The following TRPC4 variants were observed in gnomAD, a reference collection of about 807,000 sequenced individuals.
TRPC4 encodes the protein short transient receptor potential channel 4.
In TRPC4, 49 loss-of-function variants were observed where a neutral mutation model predicts 99.4. The ratio of observed to expected loss-of-function variants is 0.49; its 90% CI spans 0.39 to 0.63. The LOEUF (loss-of-function observed/expected upper bound fraction) is 0.63, where lower values mean the gene tolerates loss of function less well. Among genes scored for constraint, TRPC4 ranks in the 20% least tolerant of loss-of-function variants. TRPC4 has a pLI of 0.00. For synonymous variants in TRPC4, 454 were observed against 425.9 expected, an observed-to-expected ratio of 1.07 and a Z score of -0.81; for missense variants, 898 against 1,152.9, an observed-to-expected ratio of 0.78 and a Z score of 3.20.
At chr13:37,811,087 T>A (rs1957672930) in intron 1 of TRPC4, among the ~76,000 whole-genome samples, 1 of 152,148 alleles carries the variant, frequency 6.6e-6, no homozygotes, top group South Asian at 2.1e-4. Flanking sequence ...CTTACATTAC[T>A]GTGACAAAGT....
At chr13:37,776,297 A>G (rs1159719604) in intron 2 of TRPC4, among the ~76,000 whole-genome samples, 11 of 151,932 alleles carry the variant, frequency 7.2e-5, no homozygotes, top group Admixed American at 7.2e-4. Flanking sequence ...TTAACGGCAG[A>G]ATAAGAAAAT....
chr13:37,716,996 T>C (rs1383123489), intron 3 of TRPC4, among the ~76,000 whole-genome samples: 1 of 152,098 alleles, frequency 6.6e-6, no homozygotes. Context: ...ACGCACACTC[T>C]TTGATCTGGC....
At chr13:37,798,342 A>G (rs1957309119) in intron 1 of TRPC4, among the ~76,000 whole-genome samples, 1 of 152,170 alleles carries the variant, frequency 6.6e-6, no homozygotes, top group East Asian at 1.9e-4. Flanking sequence ...TTAAAAATTG[A>G]GGAATTAAAT....
chr13:37,730,270 A>G (rs1955201093), intron 3 of TRPC4, among the ~76,000 whole-genome samples: 1 of 152,016 alleles, frequency 6.6e-6, no homozygotes, highest in Non-Finnish European at 1.5e-5. Context: ...ATTATGCTTT[A>G]TTACTTACAT....
intron 8 of TRPC4, 82 bp downstream of exon 8, chr13:37,651,183 C>A (rs1952032630): frequency 6.6e-7 from 1 of 1,518,066 alleles, no homozygotes; most frequent in South Asian, 1.2e-5. Context: ...GGCTAAAGAC[C>A]TGAACATGTA....
At chr13:37,731,060 T>A (rs1169659750) in intron 3 of TRPC4, among the ~76,000 whole-genome samples, 1 of 151,918 alleles carries the variant, frequency 6.6e-6, no homozygotes, top group African/African-American at 2.4e-5. Context: ...AGAAAAAAAA[T>A]TCTATATATT....
chr13:37,651,568 T>A lies in TRPC4; in HGVS notation c.1885-109A>T. Reference sequence around the variant, plus strand: ...TTCAAGCGGCTCTTGGAACATTAATTAAATTGCTTCTAAAACCACCACTGA... The same window carrying A: ...TTCAAGCGGCTCTTGGAACATTAATAAAATTGCTTCTAAAACCACCACTGA... On this transcript the variant is annotated intron_variant, in intron 7 of 10. Coordinates refer to ENST00000379705, the MANE Select transcript of TRPC4 (RefSeq NM_016179.4). The A allele has an allele frequency of 6.1e-6, 6 of 980,600 alleles. No individual in the cohort carries two copies. The South Asian group carries it at 6.2e-5, about 10-fold the overall frequency. The allele number at this position is 980,600 out of a possible 1,614,324, so 60.7% of individuals were successfully genotyped here.
intron 1 of TRPC4, among the ~76,000 whole-genome samples, chr13:37,866,512 A>G (rs553703678): frequency 6.6e-6 from 1 of 151,832 alleles, no homozygotes; most frequent in Admixed American, 6.6e-5. Flanking sequence ...TACATTTTCA[A>G]TGCGCATGCC....
chr13:37,725,295 G>A (rs1252226065), intron 3 of TRPC4, among the ~76,000 whole-genome samples: 1 of 152,024 alleles, frequency 6.6e-6, no homozygotes, highest in African/African-American at 2.4e-5. Context: ...CAGAAGAAGA[G>A]AGAAAGAGGC....
chr13:37,653,719 A>G (rs1013653143), intron 7 of TRPC4, among the ~76,000 whole-genome samples: 5 of 152,194 alleles, frequency 3.3e-5, no homozygotes, highest in Non-Finnish European at 7.3e-5. Context: ...AGAAAATGTC[A>G]TAATATTCTT....
chr13:37,854,211 C>G (rs1959128235), intron 1 of TRPC4, among the ~76,000 whole-genome samples: 1 of 152,104 alleles, frequency 6.6e-6, no homozygotes, highest in Admixed American at 6.6e-5. Context: ...ACATGTGAGT[C>G]CCAGTATGTC....
At position 37,719,335 on chromosome 13, in the gene TRPC4, G is replaced by A. The variant is rs1474148250; in HGVS notation, c.897+26602C>T. On this transcript the variant is annotated intron_variant, in intron 3 of 10. Transcript: ENST00000379705. ...TGCACTCCAGCCTGGGTGACAGAGT[G>A]AGACCATGTCTTATAAAAAGAAAAA... is the stretch of plus-strand genomic sequence containing the variant. 2.0e-5 allele frequency among the ~76,000 whole-genome samples: 3 copies of A among 151,988 alleles called. No individual in the cohort carries two copies. In the East Asian group the frequency reaches 5.8e-4, roughly 29 times the overall value.
In TRPC4 at chr13:37,829,317, A is replaced by T. The variant is rs185467779; in HGVS notation, c.-28+40278T>A. 1.1e-3 allele frequency among the ~76,000 whole-genome samples: 168 copies of T among 152,340 alleles called. 1 individual carries two copies. Among genetic ancestry groups the T allele is most frequent in the African/African-American group, 3.9e-3 (163 of 41,582 alleles). ...AAATGTGCAAAGAATATAAACAGAC[A>T]TTTCTCTAAAGATTATAAATGGCTA... On this transcript the variant is annotated intron_variant, in intron 1 of 10. Transcript: ENST00000379705.
At chr13:37,862,188 G>A (rs993737158) in intron 1 of TRPC4, among the ~76,000 whole-genome samples, 2 of 151,364 alleles carry the variant, frequency 1.3e-5, no homozygotes, top group African/African-American at 4.8e-5. Flanking sequence ...TCTAGAGAAA[G>A]GGGTAGGGTG....
At chr13:37,835,687 A>G (rs935648078) in intron 1 of TRPC4, among the ~76,000 whole-genome samples, 4 of 152,214 alleles carry the variant, frequency 2.6e-5, no homozygotes, top group African/African-American at 9.7e-5. Context: ...AAAAAGAGGA[A>G]GATAACAAAT....
At chr13:37,701,093 G>C (rs750098594) in intron 3 of TRPC4, among the ~76,000 whole-genome samples, 3 of 152,026 alleles carry the variant, frequency 2.0e-5, no homozygotes, top group Non-Finnish European at 4.4e-5. Flanking sequence ...GCTCCAACTT[G>C]TATGGCAACA....
chr13:37,861,444 C>G (rs1278046838), intron 1 of TRPC4, among the ~76,000 whole-genome samples: 1 of 151,450 alleles, frequency 6.6e-6, no homozygotes, highest in Non-Finnish European at 1.5e-5. Flanking sequence ...TTAAGTATAC[C>G]AGCAAGTTCT....
rs1201385469 is a variant in TRPC4 at position 37,745,436 on chromosome 13, GTATATATATATATA to G, written c.897+487_897+500del. Among the ~76,000 whole-genome samples the G allele has an allele frequency of 1.1e-3, 23 of 20,706 alleles. No individual in the cohort carries two copies. In the East Asian group the frequency reaches 0.022, roughly 20 times the overall value. 13.6% of individuals were successfully genotyped at this position (20,706 alleles called of 152,430 possible). The stretch of plus-strand genomic sequence containing the variant: ...GCTGATTATTTATATATATATATGC[GTATATATATATATA>G]TATATATATATATATATATATATAC... On this transcript the variant is annotated intron_variant, in intron 3 of 10. Transcript: ENST00000379705.
chr13:37,863,939 T>C (rs1208328767), intron 1 of TRPC4, among the ~76,000 whole-genome samples: 8 of 151,736 alleles, frequency 5.3e-5, no homozygotes, highest in Admixed American at 6.6e-5. Context: ...AATTACAATG[T>C]GTTATGAACT....
Sources: allele counts gnomAD v4.1 joint callset (sites outside exome capture counted in the v4.1 genomes callset), GRCh38; gene constraint gnomAD v4.1.1; transcripts MANE v1.5; gene names NCBI Gene and HGNC (gene_info 2026-07-23, HGNC 2026-07-21).